The following HADHB variants were observed in gnomAD, a reference collection of about 807,000 sequenced individuals.
The protein encoded by HADHB is hydroxyacyl-CoA dehydrogenase trifunctional multienzyme complex subunit beta.
A neutral mutation model predicts 61.9 loss-of-function variants in HADHB; 50 were observed. The observed-to-expected ratio is 0.81, with a 90% CI of 0.64 to 1.02. The LOEUF is 1.02. Ranked by LOEUF, HADHB falls within the 50% of genes least tolerant of loss-of-function variation. HADHB has a pLI of 0.00. For synonymous variants in HADHB, 191 were observed against 201.6 expected, an observed-to-expected ratio of 0.95 and a Z score of 0.45; for missense variants, 504 against 586.5, an observed-to-expected ratio of 0.86 and a Z score of 1.45.
In HADHB at chr2:26,276,979, G is replaced by A. The variant is rs903861757; in HGVS notation, c.355-94G>A. 1.7e-5 allele frequency: 13 copies of A among 762,582 alleles called. No homozygotes were observed. In the East Asian group the frequency reaches 2.7e-4, roughly 16 times the overall value. 47.2% of individuals were successfully genotyped at this position (762,582 alleles called of 1,614,324 possible). A position where few individuals can be genotyped will look rare whatever the true frequency, so the allele number is the denominator to read the frequency against. ...CTCTGGAGAATGTTAAACTGAAACC[G>A]TTTCCAGATGACTATGAAGATTAGT... On this transcript the variant is annotated intron_variant, in intron 6 of 15. Coordinates refer to ENST00000317799, the MANE Select transcript of HADHB (RefSeq NM_000183.3).
intron 5 of HADHB, among the ~76,000 whole-genome samples, chr2:26,272,809 T>C (rs1314172059): frequency 6.6e-6 from 1 of 152,042 alleles, no homozygotes; most frequent in Non-Finnish European, 1.5e-5. Flanking sequence ...TGGGGCCGGG[T>C]ATAGTGGCTT....
intron 1 of HADHB, among the ~76,000 whole-genome samples, chr2:26,249,467 C>T (rs913234080): frequency 4.6e-5 from 7 of 151,982 alleles, no homozygotes; most frequent in Non-Finnish European, 1.0e-4. Flanking sequence ...GCCAAGATCG[C>T]GCCGCTGTAC....
intron 3 of HADHB, chr2:26,261,158 A>T (rs1671844909): frequency 1.5e-6 from 1 of 678,930 alleles, no homozygotes; most frequent in African/African-American, 1.8e-5. Context: ...TAAGCAGGGC[A>T]ACTCCCTTTA....
At chr2:26,253,484 G>A (rs1204818536) in intron 1 of HADHB, among the ~76,000 whole-genome samples, 1 of 151,988 alleles carries the variant, frequency 6.6e-6, no homozygotes, top group East Asian at 1.9e-4. Flanking sequence ...TTATTATCAC[G>A]CCTAGCAGTC....
intron 5 of HADHB, among the ~76,000 whole-genome samples, chr2:26,271,646 A>G (rs906484538): frequency 6.6e-6 from 1 of 152,096 alleles, no homozygotes. Flanking sequence ...AATCTCATCT[A>G]CTAGCTAGGC....
At chr2:26,276,518 G>T (rs1672539027) in intron 6 of HADHB, among the ~76,000 whole-genome samples, 1 of 152,230 alleles carries the variant, frequency 6.6e-6, no homozygotes, top group Non-Finnish European at 1.5e-5. Flanking sequence ...GCAGTGAGCA[G>T]AAAGATAGGT....
chr2:26,257,237 C>T (rs1351672964), intron 3 of HADHB, among the ~76,000 whole-genome samples: 1 of 151,806 alleles, frequency 6.6e-6, no homozygotes, highest in Non-Finnish European at 1.5e-5. Flanking sequence ...TCTCCTGCCT[C>T]AGCCTCTTGA....
rs1475764002 is a variant in HADHB at position 26,245,008 on chromosome 2, C to T, written c.-9+18C>T. The T allele has an allele frequency of 4.3e-6, 1 of 230,158 alleles. No individual in the cohort carries two copies. The highest frequency in any genetic ancestry group is 2.2e-5 in the African/African-American group (1 of 44,808). 14.3% of individuals were successfully genotyped at this position (230,158 alleles called of 1,614,324 possible). A position where few individuals can be genotyped will look rare whatever the true frequency, so the allele number is the denominator to read the frequency against. ...CAGCCAAGGTGAGACGGCGAGCCCT[C>T]AGCTCTCCGCCCGGGCTTTCCCAAA... On this transcript the variant is annotated intron_variant, in intron 1 of 15. Coordinates refer to ENST00000317799, the MANE Select transcript of HADHB (RefSeq NM_000183.3).
intron 7 of HADHB, among the ~76,000 whole-genome samples, 160 bp downstream of exon 7, chr2:26,277,320 C>G (rs1055773206): frequency 4.0e-5 from 6 of 150,054 alleles, no homozygotes; most frequent in Non-Finnish European, 3.0e-5. Flanking sequence ...TCACTGCAGG[C>G]TCAAACTCTT....
chr2:26,277,027 T>C (rs1192120762), intron 6 of HADHB, 46 bp from the exon 7 acceptor site: 1 of 912,464 alleles, frequency 1.1e-6, no homozygotes, highest in East Asian at 2.4e-5. Flanking sequence ...ATTTACATGA[T>C]GCCCTTCCCT....
chr2:26,286,983 C>G (rs1445355110), intron 15 of HADHB, among the ~76,000 whole-genome samples: 1 of 151,182 alleles, frequency 6.6e-6, no homozygotes, highest in East Asian at 2.0e-4. Flanking sequence ...GCGGGTAGGT[C>G]ACTTGAGGTC....
chr2:26,272,363 GAC>G (rs1366801079), intron 5 of HADHB, among the ~76,000 whole-genome samples: 51 of 90,868 alleles, frequency 5.6e-4, no homozygotes, highest in African/African-American at 2.3e-3. Context: ...TTTTTTTTTT[GAC>G]ACAGAGTTTC....
At chr2:26,276,756 A>G (rs1672546047) in intron 6 of HADHB, among the ~76,000 whole-genome samples, 4 of 152,220 alleles carry the variant, frequency 2.6e-5, no homozygotes, top group Admixed American at 2.6e-4. Context: ...ACAAGTTAAA[A>G]TCAAATTATA....
Position 26,277,007 on chromosome 2 carries a change from T to G in HADHB, c.355-66T>G. On this transcript the variant is annotated intron_variant, in intron 6 of 15. Transcript: ENST00000317799. ...TCCAGATGACTATGAAGATTAGTGC[T>G]CAAAGCATCATTTACATGATGCCCT... 3 of 825,542 alleles carry G rather than the reference T, an allele frequency of 3.6e-6. No homozygotes were observed. In the Admixed American group the frequency reaches 5.1e-5, roughly 14 times the overall value. The allele number at this position is 825,542 out of a possible 1,614,324, so 51.1% of individuals were successfully genotyped here.
chr2:26,282,576 T>G lies in HADHB; in HGVS notation c.934-269T>G, dbSNP rs77757740. On this transcript the variant is annotated intron_variant, in intron 10 of 15. Coordinates refer to ENST00000317799, the MANE Select transcript of HADHB (RefSeq NM_000183.3). ...GCCACCACGCTTGGCCATGAGCATT[T>G]ATTTCTAAAGTTACCTCTTCTGTTG... Among the ~76,000 whole-genome samples the G allele has an allele frequency of 0.012, 1,897 of 152,330 alleles. 41 individuals carry two copies. The highest frequency in any genetic ancestry group is 0.041 in the African/African-American group (1,712 of 41,562).
At chr2:26,281,301 A>G (rs77119956) in intron 10 of HADHB, among the ~76,000 whole-genome samples, 2,091 of 152,236 alleles carry the variant, frequency 0.014, 41 homozygotes, top group African/African-American at 0.047. Context: ...TTCTCTTACA[A>G]TGTAACTCTC....
chr2:26,261,114 G>A, intron 3 of HADHB: 1 of 929,202 alleles, frequency 1.1e-6, no homozygotes, highest in Non-Finnish European at 1.7e-6. Flanking sequence ...TTGACTTAGG[G>A]ATGTGTCTAT....
chr2:26,277,360 C>T (rs1189543758), intron 7 of HADHB, among the ~76,000 whole-genome samples, 200 bp downstream of exon 7: 2 of 151,492 alleles, frequency 1.3e-5, no homozygotes, highest in South Asian at 4.2e-4. Flanking sequence ...GCCTTAGGAT[C>T]CCAAGTAGCT....
chr2:26,254,996 A>G (rs776280676), intron 3 of HADHB: 1 of 163,272 alleles, frequency 6.1e-6, no homozygotes, highest in African/African-American at 2.4e-5. Context: ...TTGATTTTAT[A>G]TGGTCATTTA....
Sources: gnomAD v4.1 joint callset for allele counts (sites outside exome capture counted in the v4.1 genomes callset) on GRCh38, gnomAD v4.1.1 for gene constraint, MANE v1.5 for transcripts, NCBI Gene and HGNC (gene_info 2026-07-23, HGNC 2026-07-21) for gene names.